Variants in LRRC36 observed in about 807,000 individuals in gnomAD.
LRRC36 encodes leucine rich repeat containing 36.
In LRRC36, 62 loss-of-function variants were observed where a neutral mutation model predicts 81.1. That is an observed-to-expected ratio of 0.76 (90% CI 0.62 to 0.94). The LOEUF is 0.94. Ranked by LOEUF, LRRC36 falls within the 40% of genes least tolerant of loss-of-function variation. The pLI, the probability that LRRC36 is intolerant of heterozygous loss-of-function variation, is 0.00. For synonymous variants in LRRC36, 334 were observed against 348.6 expected, an observed-to-expected ratio of 0.96 and a Z score of 0.47; for missense variants, 761 against 881.7, an observed-to-expected ratio of 0.86 and a Z score of 1.73.
chr16:67,347,255 T>C (rs1450433476), intron 3 of LRRC36: 1 of 513,044 alleles, frequency 1.9e-6, no homozygotes, highest in Non-Finnish European at 3.3e-6. Context: ...CTGTCCAAGC[T>C]CTGCTTTCCT....
chr16:67,331,712 G>A (rs2037498570), intron 1 of LRRC36, among the ~76,000 whole-genome samples: 2 of 152,272 alleles, frequency 1.3e-5, no homozygotes, highest in South Asian at 4.1e-4. Context: ...TTATGGCCAG[G>A]TGTAGTGGCT....
intron 5 of LRRC36, among the ~76,000 whole-genome samples, chr16:67,361,809 C>T (rs1332424862): frequency 6.6e-6 from 1 of 152,156 alleles, no homozygotes; most frequent in African/African-American, 2.4e-5. Context: ...TCAGGTGATC[C>T]ACCCACCTTG....
chr16:67,366,811 A>G lies in LRRC36; in HGVS notation c.755-206A>G, dbSNP rs149337995. Among the ~76,000 whole-genome samples the G allele has an allele frequency of 6.4e-3, 975 of 152,232 alleles. 5 individuals carry two copies. Among genetic ancestry groups the G allele is most frequent in the Non-Finnish European group, 0.011 (746 of 68,012 alleles). On this transcript the variant is annotated intron_variant, in intron 7 of 13. Coordinates refer to ENST00000329956, the MANE Select transcript of LRRC36 (RefSeq NM_018296.6). The stretch of plus-strand genomic sequence containing the variant: ...TTATAGATTCTTTACTGTTTACACA[A>G]AAGTCCCACATTTTATTGGTGGTGG...
chr16:67,346,239 TG>T lies in LRRC36; in HGVS notation c.199-15del. ...TTTACCAATATGCCATTTCATAATG[TG>T]GTGTTTTCCTTGTAGGGAATCCAGT... On this transcript the variant is annotated splice_polypyrimidine_tract_variant and intron_variant, in intron 2 of 13. Coordinates refer to ENST00000329956, the MANE Select transcript of LRRC36 (RefSeq NM_018296.6). 1.4e-6 allele frequency: 2 copies of T among 1,468,504 alleles called. No individual in the cohort carries two copies. The highest frequency in any genetic ancestry group is 1.4e-5 in the South Asian group (1 of 72,910). 91.0% of individuals were successfully genotyped at this position (1,468,504 alleles called of 1,614,324 possible).
intron 9 of LRRC36, among the ~76,000 whole-genome samples, chr16:67,374,463 C>T (rs1452491218): frequency 2.0e-5 from 3 of 152,048 alleles, no homozygotes; most frequent in Admixed American, 1.3e-4. Context: ...GGCACGATCT[C>T]GGCTCACTGC....
At chr16:67,340,090 C>G (rs2037956888) in intron 1 of LRRC36, among the ~76,000 whole-genome samples, 1 of 150,782 alleles carries the variant, frequency 6.6e-6, no homozygotes, top group Non-Finnish European at 1.5e-5. Flanking sequence ...TGCAGTGAGC[C>G]AAGATCGCAC....
Position 67,376,847 on chromosome 16 carries a change from C to T in LRRC36, c.1781C>T (p.Ala594Val). The T allele has an allele frequency of 6.2e-7, 1 of 1,613,210 alleles. No individual in the cohort carries two copies. The highest frequency in any genetic ancestry group is 8.5e-7 in the Non-Finnish European group (1 of 1,179,254). Residue 594 changes from alanine to valine, a missense_variant, in exon 11 of 14, where the codon GCT becomes GTT. By Grantham distance (64) the Ala-to-Val change is moderately conservative. This residue lies in a region of LRRC36 where 359 missense variants were observed against 388.4 expected (regional missense o/e 0.92). Transcript: ENST00000329956. ...AGGAGGGAGCTTGAACTGAAGGAGG[C>T]TGCGCAGCTGGTCCCTAATGACATG... is the stretch of plus-strand genomic sequence containing the variant. ...FCRRELELKE[A>V]AQLVPNDMES... is the part of the protein sequence containing the mutation.
chr16:67,377,228 G>A (rs1449687551), intron 11 of LRRC36, among the ~76,000 whole-genome samples: 1 of 152,224 alleles, frequency 6.6e-6, no homozygotes, highest in African/African-American at 2.4e-5. Flanking sequence ...CGAGCTGAGA[G>A]CCCTGAACCA....
chr16:67,349,357 T>A (rs1335779155), intron 4 of LRRC36, among the ~76,000 whole-genome samples: 4 of 151,948 alleles, frequency 2.6e-5, no homozygotes, highest in African/African-American at 9.7e-5. Context: ...ACCTATAAAA[T>A]GGAGATAATG....
intron 1 of LRRC36, among the ~76,000 whole-genome samples, chr16:67,334,979 G>A (rs2037689060): frequency 6.6e-6 from 1 of 152,078 alleles, no homozygotes; most frequent in Non-Finnish European, 1.5e-5. Context: ...TGCTTCACAA[G>A]GTAATAAGAT....
At chr16:67,355,435 C>T (rs890887230) in intron 5 of LRRC36, among the ~76,000 whole-genome samples, 2 of 119,648 alleles carry the variant, frequency 1.7e-5, no homozygotes, top group Admixed American at 1.2e-4. Flanking sequence ...AGTGCAGTGG[C>T]GGGATCTCGG....
intron 1 of LRRC36, among the ~76,000 whole-genome samples, chr16:67,331,231 G>A (rs1044510981): frequency 1.4e-4 from 21 of 152,304 alleles, no homozygotes; most frequent in African/African-American, 4.8e-4. Context: ...TCGCAGTGCT[G>A]TTACATTGGC....
intron 3 of LRRC36, 154 bp from the exon 4 acceptor site, chr16:67,347,341 G>A (rs745706834): frequency 2.2e-5 from 31 of 1,416,556 alleles, no homozygotes; most frequent in Non-Finnish European, 2.9e-5. Context: ...CTGCTCCAGT[G>A]ACAACATAAT....
chr16:67,342,149 GAGAT>G (rs2038118973), intron 2 of LRRC36, 65 bp downstream of exon 2: 2 of 1,193,548 alleles, frequency 1.7e-6, no homozygotes, highest in Admixed American at 2.4e-5. Flanking sequence ...GAAGAAATAA[GAGAT>G]AGATCATGTC....
intron 5 of LRRC36, among the ~76,000 whole-genome samples, chr16:67,353,342 G>A (rs981918321): frequency 1.3e-5 from 2 of 151,898 alleles, no homozygotes; most frequent in African/African-American, 2.4e-5. Flanking sequence ...CACAATTGAC[G>A]AGCCTTCCTT....
chr16:67,339,755 A>C (rs1011233316), intron 1 of LRRC36, among the ~76,000 whole-genome samples: 1 of 152,004 alleles, frequency 6.6e-6, no homozygotes, highest in South Asian at 2.1e-4. Context: ...CTTTGCATCT[A>C]TGTCCCTGTT....
chr16:67,346,503 C>G, intron 3 of LRRC36, 55 bp downstream of exon 3: 1 of 1,227,844 alleles, frequency 8.1e-7, no homozygotes, highest in Non-Finnish European at 1.1e-6. Context: ...AATCAGCTGC[C>G]CCTTAACCTT....
chr16:67,368,355 TAAG>T (rs1288975512), intron 8 of LRRC36, among the ~76,000 whole-genome samples: 3 of 152,150 alleles, frequency 2.0e-5, no homozygotes, highest in African/African-American at 7.2e-5. Context: ...TAGAGCGTGA[TAAG>T]GAGGAGGCGA....
At chr16:67,364,816 A>G (rs1212192640) in intron 6 of LRRC36, among the ~76,000 whole-genome samples, 1 of 152,210 alleles carries the variant, frequency 6.6e-6, no homozygotes, top group Non-Finnish European at 1.5e-5. Context: ...CTCCATGACT[A>G]CCAAAAAGAC....
Sources: allele counts gnomAD v4.1 joint callset (sites outside exome capture counted in the v4.1 genomes callset), GRCh38; gene constraint gnomAD v4.1.1; regional missense constraint gnomAD v4.1.1; transcripts MANE v1.5; gene names NCBI Gene and HGNC (gene_info 2026-07-23, HGNC 2026-07-21).